The following FAM114A1 variants were observed in gnomAD, a reference collection of about 807,000 sequenced individuals.
FAM114A1 encodes protein NOXP20.
In FAM114A1, 62 loss-of-function variants were observed where a neutral mutation model predicts 64.3. The ratio of observed to expected loss-of-function variants is 0.96; its 90% CI spans 0.79 to 1.19. FAM114A1 has a LOEUF of 1.19. Among genes scored for constraint, FAM114A1 ranks in the 50% most tolerant of loss-of-function variants. FAM114A1 has a pLI of 0.00. For synonymous variants in FAM114A1, 254 were observed against 251.1 expected (o/e 1.01, Z -0.11); for missense variants, 645 against 676.3 (o/e 0.95, Z 0.51).
At chr4:38,901,003 G>T (rs1717460465) in intron 4 of FAM114A1, among the ~76,000 whole-genome samples, 1 of 151,984 alleles carries the variant, frequency 6.6e-6, no homozygotes, top group Non-Finnish European at 1.5e-5. Flanking sequence ...GATATTATGG[G>T]ATTTTTAAAA....
rs199646586 is a variant in FAM114A1 at position 38,915,064 on chromosome 4, C to G, written c.936C>G (p.Ser312Arg). The change falls in exon 8 of 15, where the codon AGC (serine) becomes AGG (arginine). Residue 312 changes from serine to arginine, a missense_variant. Ser to Arg is a moderately radical substitution (Grantham distance 110, BLOSUM62 -1). Coordinates refer to ENST00000358869, the MANE Select transcript of FAM114A1 (RefSeq NM_138389.4). ...LEALEILSNE[S>R]ESKVQSFLAS... is the part of the protein sequence containing the mutation. ...CCCTGGAAATTCTGTCCAATGAAAG[C>G]GAAAGCAAGGTACTTCTGCACTACT... 1 of 1,613,950 alleles carries G rather than the reference C, an allele frequency of 6.2e-7. No homozygotes were observed. The highest frequency in any genetic ancestry group is 1.7e-5 in the Admixed American group (1 of 60,014).
intron 1 of FAM114A1, 144 bp downstream of exon 1, chr4:38,867,978 C>A: frequency 5.5e-6 from 2 of 366,082 alleles, no homozygotes; most frequent in South Asian, 4.0e-5. Flanking sequence ...TAGTGAGAAG[C>A]AGTGGTCAGG....
At chr4:38,939,446 T>C (rs767344705) in intron 13 of FAM114A1, among the ~76,000 whole-genome samples, 3 of 152,244 alleles carry the variant, frequency 2.0e-5, no homozygotes, top group Non-Finnish European at 4.4e-5. Flanking sequence ...ACCTCATTGA[T>C]TCTGAAAACC....
At chr4:38,915,213 A>G in intron 8 of FAM114A1, 140 bp downstream of exon 8, 1 of 1,070,732 alleles carries the variant, frequency 9.3e-7, no homozygotes, top group Non-Finnish European at 1.3e-6. Flanking sequence ...ATACTGTACA[A>G]TGGGATGACC....
chr4:38,935,055 C>T (rs1429854087), intron 12 of FAM114A1, among the ~76,000 whole-genome samples: 1 of 152,068 alleles, frequency 6.6e-6, no homozygotes, highest in Non-Finnish European at 1.5e-5. Context: ...GCTGAGATTA[C>T]AGGCGCCTGC....
chr4:38,914,623 G>T, intron 7 of FAM114A1: 1 of 257,972 alleles, frequency 3.9e-6, no homozygotes, highest in Non-Finnish European at 7.3e-6. Context: ...TGTGGGAAAC[G>T]CCTCAGTGGA....
At chr4:38,890,399 C>CT (rs1172048120) in intron 3 of FAM114A1, among the ~76,000 whole-genome samples, 2 of 120,590 alleles carry the variant, frequency 1.7e-5, no homozygotes, top group Non-Finnish European at 3.4e-5. Context: ...AAGACTCCGT[C>CT]TCAAAAAAAA....
chr4:38,929,056 A>T lies in FAM114A1; in HGVS notation c.1070-186A>T, dbSNP rs1436607861. The T allele has an allele frequency of 6.8e-5, 39 of 576,550 alleles. No individual in the cohort carries two copies. The South Asian group carries it at 7.0e-4, about 10-fold the overall frequency. 35.7% of individuals were successfully genotyped at this position (576,550 alleles called of 1,614,324 possible). A position where few individuals can be genotyped will look rare whatever the true frequency, so the allele number is the denominator to read the frequency against. ...AAGACTTCAGCGGCCCTGCACCCGG[A>T]TGCATCTGCTGCCTCACTGCCATGC... On this transcript the variant is annotated intron_variant, in intron 9 of 14. Coordinates refer to ENST00000358869, the MANE Select transcript of FAM114A1 (RefSeq NM_138389.4).
intron 9 of FAM114A1, among the ~76,000 whole-genome samples, chr4:38,926,390 AGC>A (rs1720089712): frequency 6.6e-6 from 1 of 151,710 alleles, no homozygotes; most frequent in South Asian, 2.1e-4. Context: ...ACCTCTGCCC[AGC>A]AGAGAGAATC....
intron 13 of FAM114A1, among the ~76,000 whole-genome samples, chr4:38,939,216 A>G (rs1437370789): frequency 6.6e-6 from 1 of 152,246 alleles, no homozygotes; most frequent in African/African-American, 2.4e-5. Context: ...GTTTGCATGA[A>G]CAAAATCGGG....
intron 4 of FAM114A1, among the ~76,000 whole-genome samples, chr4:38,903,733 CT>C (rs1717724633): frequency 6.6e-6 from 1 of 152,044 alleles, no homozygotes; most frequent in Admixed American, 6.5e-5. Context: ...CGCAATACAC[CT>C]TTATTTTTTC....
chr4:38,913,001 G>A (rs929073378), intron 7 of FAM114A1, among the ~76,000 whole-genome samples: 1 of 152,156 alleles, frequency 6.6e-6, no homozygotes, highest in Non-Finnish European at 1.5e-5. Flanking sequence ...TTCTCTTTGC[G>A]GCCCTGTGGG....
chr4:38,868,747 C>T (rs1268737182), intron 2 of FAM114A1, among the ~76,000 whole-genome samples: 2 of 152,220 alleles, frequency 1.3e-5, no homozygotes, highest in African/African-American at 2.4e-5. Context: ...CTCAGCCAAC[C>T]TGTGACAACT....
intron 7 of FAM114A1, chr4:38,914,658 GTTTCTT>G (rs1468714482): frequency 2.7e-6 from 1 of 376,062 alleles, no homozygotes; most frequent in Non-Finnish European, 4.8e-6. Flanking sequence ...CTTTTGGTGT[GTTTCTT>G]AACAGTTTAT....
intron 8 of FAM114A1, among the ~76,000 whole-genome samples, chr4:38,916,238 T>C (rs1288908949): frequency 6.6e-6 from 1 of 152,208 alleles, no homozygotes; most frequent in Non-Finnish European, 1.5e-5. Context: ...TCCTTCTTTG[T>C]TATCCATGAG....
rs559465671 is a variant in FAM114A1 at position 38,889,870 on chromosome 4, GT to G, written c.349-1870del. Among the ~76,000 whole-genome samples, 7 of 152,212 alleles carry G rather than the reference GT, an allele frequency of 4.6e-5. No homozygotes were observed. The South Asian group carries it at 1.5e-3, about 32-fold the overall frequency. On this transcript the variant is annotated intron_variant, in intron 3 of 14. Coordinates refer to ENST00000358869, the MANE Select transcript of FAM114A1 (RefSeq NM_138389.4). ...TGGAGATAGGCAGCTACTTATGTTG[GT>G]TTAGTAGCTCAGCGGAGCCAGGACC...
At chr4:38,867,978 C>T in intron 1 of FAM114A1, 144 bp downstream of exon 1, 1 of 366,080 alleles carries the variant, frequency 2.7e-6, no homozygotes, top group Non-Finnish European at 5.5e-6. Context: ...TAGTGAGAAG[C>T]AGTGGTCAGG....
At chr4:38,872,096 T>C (rs1472718) in intron 2 of FAM114A1, among the ~76,000 whole-genome samples, 6,996 of 152,230 alleles carry the variant, frequency 0.046, 259 homozygotes, top group African/African-American at 0.099. Flanking sequence ...AAATTATTTC[T>C]CATATCCCTT....
intron 7 of FAM114A1, among the ~76,000 whole-genome samples, chr4:38,910,238 C>CAA (rs372880362): frequency 1.5e-5 from 2 of 132,384 alleles, no homozygotes; most frequent in African/African-American, 2.8e-5. Flanking sequence ...GACTGCATCT[C>CAA]AAAAAAAAAA....
Sources: gnomAD v4.1 joint callset for allele counts (sites outside exome capture counted in the v4.1 genomes callset) on GRCh38, gnomAD v4.1.1 for gene constraint, MANE v1.5 for transcripts, NCBI Gene and HGNC (gene_info 2026-07-23, HGNC 2026-07-21) for gene names.